SETBP1: variants seen among roughly 807,000 people sequenced by gnomAD.
SETBP1 encodes the protein SET binding protein 1.
SETBP1 carries 9 observed loss-of-function variants against 101.0 expected under a neutral mutation model. That is an observed-to-expected ratio of 0.09 (90% confidence interval 0.05 to 0.16). The LOEUF is 0.16. SETBP1 is among the 10% of genes least tolerant of loss of function. The pLI, the probability that SETBP1 is intolerant of heterozygous loss-of-function variation, is 1.00. For synonymous variants in SETBP1, 818 were observed against 788.5 expected, an observed-to-expected ratio of 1.04 and a Z score of -0.63; for missense variants, 1,858 against 2,033.8, an observed-to-expected ratio of 0.91 and a Z score of 1.66.
chr18:44,831,074 G>T (rs779360208), intron 2 of SETBP1, among the ~76,000 whole-genome samples: 2 of 152,012 alleles, frequency 1.3e-5, no homozygotes, highest in Non-Finnish European at 2.9e-5. Context: ...GTTTTTATTC[G>T]CAATCCTCTT....
chr18:44,772,693 T>C (rs2070900846), intron 2 of SETBP1, among the ~76,000 whole-genome samples: 1 of 152,222 alleles, frequency 6.6e-6, no homozygotes, highest in Non-Finnish European at 1.5e-5. Flanking sequence ...CCAGCTCCAC[T>C]AGATACTACC....
intron 4 of SETBP1, among the ~76,000 whole-genome samples, chr18:45,029,619 T>C (rs1220365035): frequency 6.6e-6 from 1 of 152,302 alleles, no homozygotes; most frequent in African/African-American, 2.4e-5. Context: ...GCCATTTTCA[T>C]GATATTGATT....
At chr18:44,808,799 G>A (rs1355595016) in intron 2 of SETBP1, among the ~76,000 whole-genome samples, 1 of 152,118 alleles carries the variant, frequency 6.6e-6, no homozygotes, top group Non-Finnish European at 1.5e-5. Context: ...AATTGATCAA[G>A]GAAGACTTAC....
chr18:45,048,699 G>A (rs565911089), intron 5 of SETBP1, among the ~76,000 whole-genome samples: 1 of 152,062 alleles, frequency 6.6e-6, no homozygotes, highest in Non-Finnish European at 1.5e-5. Flanking sequence ...AGGGCCGGGC[G>A]CGGTGGCTCA....
chr18:44,773,831 T>G (rs918520371), intron 2 of SETBP1, among the ~76,000 whole-genome samples: 1 of 140,326 alleles, frequency 7.1e-6, no homozygotes, highest in African/African-American at 2.8e-5. Context: ...TCTGTCTCTC[T>G]CTGTTTATGT....
At chr18:44,793,110 A>G (rs934921011) in intron 2 of SETBP1, among the ~76,000 whole-genome samples, 1 of 152,206 alleles carries the variant, frequency 6.6e-6, no homozygotes, top group Admixed American at 6.5e-5. Flanking sequence ...ATAGAGTGTG[A>G]CAGCCGTAGA....
chr18:45,021,082 C>A (rs900076230), intron 4 of SETBP1, among the ~76,000 whole-genome samples: 1 of 152,150 alleles, frequency 6.6e-6, no homozygotes, highest in Non-Finnish European at 1.5e-5. Context: ...GGCAGACATC[C>A]TTCTTCAATA....
chr18:44,808,657 G>A (rs1337169344), intron 2 of SETBP1, among the ~76,000 whole-genome samples: 1 of 152,164 alleles, frequency 6.6e-6, no homozygotes, highest in Non-Finnish European at 1.5e-5. Context: ...GGAACCAGCA[G>A]GAAGTGCATT....
chr18:44,894,921 T>C (rs2069856732), intron 3 of SETBP1, among the ~76,000 whole-genome samples: 1 of 148,150 alleles, frequency 6.7e-6, no homozygotes, highest in Admixed American at 6.8e-5. Context: ...AAAAGCAGCC[T>C]GAGCAACATA....
At chr18:45,058,975 T>C (rs2073851324) in intron 5 of SETBP1, among the ~76,000 whole-genome samples, 1 of 152,186 alleles carries the variant, frequency 6.6e-6, no homozygotes. Flanking sequence ...CTTCAAAAAA[T>C]ATTTAGGTGA....
chr18:45,002,942 G>A (rs1044259945), intron 4 of SETBP1, among the ~76,000 whole-genome samples: 2 of 152,144 alleles, frequency 1.3e-5, no homozygotes, highest in Non-Finnish European at 2.9e-5. Context: ...TGGGTTGTTG[G>A]GGTGGAGGTG....
At chr18:45,028,188 G>A (rs1042353081) in intron 4 of SETBP1, among the ~76,000 whole-genome samples, 2 of 120,756 alleles carry the variant, frequency 1.7e-5, no homozygotes, top group Non-Finnish European at 1.6e-5. Context: ...AGTCCCCAGA[G>A]TGTGATGTTC....
At position 44,953,278 on chromosome 18, in the gene SETBP1, A is replaced by T. The variant is rs781443722; in HGVS notation, c.3938A>T (p.Asp1313Val). ...GGCTTTGGAACGTACAGGGAAAAGG[A>T]CATCCAAGCCTTCAAGATGAACCGC... ...YEGFGTYREK[D>V]IQAFKMNRKE... Residue 1313 changes from aspartate to valine, a missense_variant, in exon 4 of 6, where the codon GAC becomes GTC. This residue lies in a region of SETBP1 where 417 missense variants were observed against 389.1 expected (regional missense o/e 1.07). Transcript: ENST00000649279. 3.1e-6 allele frequency: 5 copies of T among 1,614,106 alleles called. No homozygotes were observed. The highest frequency in any genetic ancestry group is 4.2e-6 in the Non-Finnish European group (5 of 1,180,036).
At chr18:44,739,372 A>C (rs2070048077) in intron 2 of SETBP1, among the ~76,000 whole-genome samples, 1 of 152,316 alleles carries the variant, frequency 6.6e-6, no homozygotes, top group South Asian at 2.1e-4. Context: ...AAACATTAAC[A>C]AACAACTTTA....
At chr18:44,843,361 A>G (rs1035547365) in intron 2 of SETBP1, among the ~76,000 whole-genome samples, 6 of 151,860 alleles carry the variant, frequency 4.0e-5, no homozygotes, top group Admixed American at 2.0e-4. Context: ...TGCACACCAC[A>G]CCCCTACTAG....
chr18:45,044,341 C>T (rs968532079), intron 5 of SETBP1, among the ~76,000 whole-genome samples: 1 of 152,150 alleles, frequency 6.6e-6, no homozygotes, highest in African/African-American at 2.4e-5. Context: ...AAAGTGCTAC[C>T]TATGGGCTCA....
intron 3 of SETBP1, among the ~76,000 whole-genome samples, chr18:44,933,383 A>G (rs946017289): frequency 2.0e-5 from 3 of 152,228 alleles, no homozygotes; most frequent in Non-Finnish European, 2.9e-5. Context: ...TCTCCCAGTT[A>G]GGCTACTCGG....
chr18:44,864,829 G>A lies in SETBP1; in HGVS notation c.487-4401G>A, dbSNP rs558113360. 3.3e-5 allele frequency among the ~76,000 whole-genome samples: 5 copies of A among 152,066 alleles called. No homozygotes were observed. In the South Asian group the frequency reaches 6.2e-4, roughly 19 times the overall value. On this transcript the variant is annotated intron_variant, in intron 2 of 5. Transcript: ENST00000649279. ...GCGAATTTCATTTTACTCCCTCTCTGCCTCCCTGTCTTGGATCCCCCTCAA... is the reference window on the plus strand; with the variant it reads ...GCGAATTTCATTTTACTCCCTCTCTACCTCCCTGTCTTGGATCCCCCTCAA...
chr18:44,736,710 CAG>C (rs1243298747), intron 2 of SETBP1, among the ~76,000 whole-genome samples: 6 of 152,288 alleles, frequency 3.9e-5, no homozygotes, highest in Admixed American at 2.6e-4. Flanking sequence ...AGGATCAAAA[CAG>C]AAGTTTCTAC....
Sources: allele counts gnomAD v4.1 joint callset (sites outside exome capture counted in the v4.1 genomes callset), GRCh38; gene constraint gnomAD v4.1.1; regional missense constraint gnomAD v4.1.1; transcripts MANE v1.5; gene names NCBI Gene and HGNC (gene_info 2026-07-23, HGNC 2026-07-21).